TBCK: variants seen among roughly 807,000 people sequenced by gnomAD.
TBCK encodes TBC domain-containing protein kinase-like protein.
Under a neutral mutation model 113.4 loss-of-function variants are expected in TBCK, and 99 were observed. The ratio of observed to expected loss-of-function variants is 0.87; its 90% CI spans 0.74 to 1.03. The LOEUF (loss-of-function observed/expected upper bound fraction) is 1.03, where lower values mean the gene tolerates loss of function less well. Ranked by LOEUF, TBCK falls within the 50% of genes least tolerant of loss-of-function variation. The pLI, the probability that TBCK is intolerant of heterozygous loss-of-function variation, is 0.00. For synonymous variants in TBCK, 369 were observed against 370.8 expected, an observed-to-expected ratio of 1.00 and a Z score of 0.05; for missense variants, 1,045 against 1,061.3, an observed-to-expected ratio of 0.98 and a Z score of 0.21.
intron 23 of TBCK, among the ~76,000 whole-genome samples, chr4:106,164,891 T>C (rs1206093580): frequency 1.3e-5 from 2 of 151,764 alleles, no homozygotes; most frequent in Admixed American, 6.6e-5. Context: ...GTTTAATCTA[T>C]ACTGAAAGCA....
intron 23 of TBCK, among the ~76,000 whole-genome samples, chr4:106,151,975 G>GT (rs1748546022): frequency 1.3e-5 from 2 of 151,698 alleles, no homozygotes; most frequent in South Asian, 2.1e-4. Flanking sequence ...TTCTAATACT[G>GT]TTTTTTATGG....
At chr4:106,093,853 AT>A (rs1740605189) in intron 25 of TBCK, among the ~76,000 whole-genome samples, 1 of 152,212 alleles carries the variant, frequency 6.6e-6, no homozygotes, top group Non-Finnish European at 1.5e-5. Flanking sequence ...TTTATTACAA[AT>A]TAAAAATAAT....
chr4:106,277,855 C>G (rs1764182060), intron 3 of TBCK, among the ~76,000 whole-genome samples: 1 of 151,980 alleles, frequency 6.6e-6, no homozygotes, highest in Non-Finnish European at 1.5e-5. Flanking sequence ...GTAAATTTAA[C>G]CTAAAACTAA....
intron 25 of TBCK, among the ~76,000 whole-genome samples, chr4:106,085,534 A>G (rs1402190502): frequency 6.6e-6 from 1 of 152,216 alleles, no homozygotes; most frequent in Non-Finnish European, 1.5e-5. Context: ...TCAACACCCC[A>G]CTGTCAGTAT....
chr4:106,063,908 T>C (rs1736330904), intron 25 of TBCK, among the ~76,000 whole-genome samples: 1 of 151,922 alleles, frequency 6.6e-6, no homozygotes, highest in African/African-American at 2.4e-5. Flanking sequence ...TAAATTTCTA[T>C]TGTTATAAGC....
At chr4:106,121,013 A>T (rs1015440583) in intron 23 of TBCK, among the ~76,000 whole-genome samples, 4 of 152,106 alleles carry the variant, frequency 2.6e-5, no homozygotes, top group Admixed American at 1.3e-4. Context: ...CGATCAAATT[A>T]CTCTGAGCTA....
At chr4:106,199,812 G>A (rs1292839824) in intron 20 of TBCK, among the ~76,000 whole-genome samples, 2 of 151,974 alleles carry the variant, frequency 1.3e-5, no homozygotes, top group Non-Finnish European at 2.9e-5. Context: ...ATCTTGATTC[G>A]AGCCAACATT....
chr4:106,093,862 A>G (rs184301314), intron 25 of TBCK, among the ~76,000 whole-genome samples: 1 of 152,206 alleles, frequency 6.6e-6, no homozygotes, highest in Non-Finnish European at 1.5e-5. Context: ...AATTAAAAAT[A>G]ATATACAACA....
intron 3 of TBCK, among the ~76,000 whole-genome samples, chr4:106,279,871 G>C (rs1445994471): frequency 6.6e-6 from 1 of 152,028 alleles, no homozygotes; most frequent in African/African-American, 2.4e-5. Flanking sequence ...CTTGGCTATT[G>C]TGAACAGTGC....
intron 24 of TBCK, among the ~76,000 whole-genome samples, chr4:106,099,158 T>C (rs941078527): frequency 6.6e-6 from 1 of 152,108 alleles, no homozygotes. Flanking sequence ...GTACAGTGTA[T>C]AGGTAAATTA....
chr4:106,282,425 A>AT (rs60306673), intron 3 of TBCK, among the ~76,000 whole-genome samples: 1 of 149,024 alleles, frequency 6.7e-6, no homozygotes, highest in Admixed American at 6.7e-5. Flanking sequence ...GATCTTTATT[A>AT]TTTTTTTTCT....
chr4:106,244,577 T>A, intron 11 of TBCK, 49 bp downstream of exon 11: 1 of 1,393,688 alleles, frequency 7.2e-7, no homozygotes, highest in Non-Finnish European at 9.6e-7. Flanking sequence ...ATAGAATTAT[T>A]ACCATGTATT....
chr4:106,228,399 C>A (rs915401078), intron 19 of TBCK, among the ~76,000 whole-genome samples: 1 of 151,640 alleles, frequency 6.6e-6, no homozygotes, highest in Non-Finnish European at 1.5e-5. Flanking sequence ...CCTCCACTAC[C>A]CTTCCCAGCC....
intron 22 of TBCK, among the ~76,000 whole-genome samples, chr4:106,173,570 G>C (rs938443777): frequency 6.6e-6 from 1 of 152,048 alleles, no homozygotes; most frequent in Non-Finnish European, 1.5e-5. Flanking sequence ...TCAATCACTG[G>C]CATTGGAAAA....
Position 106,236,539 on chromosome 4 carries a change from CAAT to C in TBCK, c.1221-23_1221-21del, listed in dbSNP as rs769203314. The C allele has an allele frequency of 2.1e-6, 3 of 1,431,414 alleles. No individual in the cohort carries two copies. The highest frequency in any genetic ancestry group is 9.1e-7 in the Non-Finnish European group (1 of 1,093,156). 88.7% of individuals were successfully genotyped at this position (1,431,414 alleles called of 1,614,324 possible). A position where few individuals can be genotyped will look rare whatever the true frequency, so the allele number is the denominator to read the frequency against. ...GACTGGCTGTAAAAGAGAACAAAAG[CAAT>C]AAAAAAAAAAAATGGACAAAAGGTA... On this transcript the variant is annotated intron_variant, in intron 13 of 25. Transcript: ENST00000394708.
intron 19 of TBCK, chr4:106,213,550 A>C (rs1223080039): frequency 6.5e-6 from 1 of 154,150 alleles, no homozygotes; most frequent in Non-Finnish European, 1.4e-5. Flanking sequence ...GCATTGCCTC[A>C]CTCGGGAAGC....
chr4:106,263,336 G>A (rs1395529491), intron 3 of TBCK, among the ~76,000 whole-genome samples: 1 of 151,776 alleles, frequency 6.6e-6, no homozygotes, highest in African/African-American at 2.4e-5. Context: ...AATAGAAAAT[G>A]ACTAATAGAT....
intron 25 of TBCK, among the ~76,000 whole-genome samples, chr4:106,066,442 T>C (rs1390804042): frequency 6.6e-6 from 1 of 151,974 alleles, no homozygotes; most frequent in African/African-American, 2.4e-5. Flanking sequence ...GATCAGAAAG[T>C]GTAGGGCTCA....
In TBCK at chr4:106,266,241, C is replaced by T. The variant is rs533955405; in HGVS notation, c.267-4029G>A. Among the ~76,000 whole-genome samples the T allele has an allele frequency of 1.3e-4, 19 of 151,792 alleles. No individual in the cohort carries two copies. The East Asian group carries it at 3.5e-3, about 28-fold the overall frequency. On this transcript the variant is annotated intron_variant, in intron 3 of 25. Coordinates refer to ENST00000394708, the MANE Select transcript of TBCK (RefSeq NM_001163435.3). Reference sequence around the variant, plus strand: ...CCTTAAAAAAAAAGAGAAACATTCCCTGAGATTAGCAAAATGTAAACCTAG... The same window carrying T: ...CCTTAAAAAAAAAGAGAAACATTCCTTGAGATTAGCAAAATGTAAACCTAG...
Sources: allele counts gnomAD v4.1 joint callset (sites outside exome capture counted in the v4.1 genomes callset), GRCh38; gene constraint gnomAD v4.1.1; transcripts MANE v1.5; gene names NCBI Gene and HGNC (gene_info 2026-07-23, HGNC 2026-07-21).